The following KCNN3 variants were observed in gnomAD, a reference collection of about 807,000 sequenced individuals.
KCNN3 encodes small conductance calcium-activated potassium channel protein 3.
A neutral mutation model predicts 62.9 loss-of-function variants in KCNN3; 16 were observed. The ratio of observed to expected loss-of-function variants is 0.25; its 90% CI spans 0.17 to 0.39. KCNN3 has a LOEUF of 0.39. Among genes scored for constraint, KCNN3 ranks in the 10% least tolerant of loss-of-function variants. KCNN3 has a pLI of 1.00. For missense variants in KCNN3, 599 were observed against 949.4 expected (o/e 0.63, Z 4.85); for synonymous variants, 370 against 389.2 (o/e 0.95, Z 0.58).
rs551936973 is a variant in KCNN3, at chr1:154,744,542, G to A, written c.1449-11398C>T. Among the ~76,000 whole-genome samples the A allele has an allele frequency of 1.1e-4, 16 of 152,322 alleles. No individual in the cohort carries two copies. The South Asian group carries it at 2.7e-3, about 26-fold the overall frequency. The stretch of plus-strand genomic sequence containing the variant: ...CAGCCACTGCCAGTAGGTGATGGCC[G>A]GGAGGCTCTGTATGTGACTGGCATT... On this transcript the variant is annotated intron_variant, in intron 3 of 7. Coordinates refer to ENST00000271915, the MANE Select transcript of KCNN3 (RefSeq NM_002249.6).
intron 1 of KCNN3, among the ~76,000 whole-genome samples, chr1:154,860,092 GC>G (rs1414083785): frequency 2.0e-5 from 3 of 152,274 alleles, no homozygotes; most frequent in African/African-American, 7.2e-5. Context: ...CTTGCTGCCT[GC>G]CCCCTGGCAC....
intron 3 of KCNN3, among the ~76,000 whole-genome samples, chr1:154,741,425 C>T (rs1282863681): frequency 6.6e-6 from 1 of 152,226 alleles, no homozygotes; most frequent in Non-Finnish European, 1.5e-5. Flanking sequence ...GGCCTGCATG[C>T]TGCTTTTCCT....
intron 2 of KCNN3, among the ~76,000 whole-genome samples, chr1:154,808,867 A>C (rs534441277): frequency 1.7e-4 from 26 of 152,190 alleles, no homozygotes; most frequent in Non-Finnish European, 3.4e-4. Flanking sequence ...CCCCAGATGC[A>C]CAAGTGAGGG....
chr1:154,774,249 T>C (rs996365393), intron 2 of KCNN3, among the ~76,000 whole-genome samples: 3 of 152,240 alleles, frequency 2.0e-5, no homozygotes, highest in African/African-American at 7.2e-5. Flanking sequence ...CAGTGATGTC[T>C]AAACTTCCTT....
At chr1:154,821,532 G>T (rs979390090) in intron 2 of KCNN3, among the ~76,000 whole-genome samples, 4 of 152,162 alleles carry the variant, frequency 2.6e-5, no homozygotes, top group Non-Finnish European at 4.4e-5. Flanking sequence ...TCACTCCTGG[G>T]CAGCAAGAAA....
intron 7 of KCNN3, among the ~76,000 whole-genome samples, chr1:154,709,489 A>G (rs924872004): frequency 6.6e-6 from 1 of 152,220 alleles, no homozygotes; most frequent in African/African-American, 2.4e-5. Context: ...CCAAAGCAGC[A>G]GCAAGTAAGG....
chr1:154,720,208 G>T (rs1208342253), intron 5 of KCNN3, among the ~76,000 whole-genome samples: 1 of 152,192 alleles, frequency 6.6e-6, no homozygotes, highest in Non-Finnish European at 1.5e-5. Flanking sequence ...CCCTTTCTGG[G>T]CCTTCGTCTT....
At chr1:154,845,869 G>C (rs1652034880) in intron 1 of KCNN3, among the ~76,000 whole-genome samples, 2 of 152,190 alleles carry the variant, frequency 1.3e-5, no homozygotes, top group South Asian at 4.1e-4. Flanking sequence ...TGCTCATTTT[G>C]ATCCTCACGC....
chr1:154,850,029 C>G (rs905611938), intron 1 of KCNN3, among the ~76,000 whole-genome samples: 3 of 152,188 alleles, frequency 2.0e-5, no homozygotes, highest in African/African-American at 7.2e-5. Flanking sequence ...ACTGTTCTCC[C>G]TCACTCCCAT....
intron 3 of KCNN3, among the ~76,000 whole-genome samples, chr1:154,764,424 C>T (rs1648165432): frequency 6.6e-6 from 1 of 152,132 alleles, no homozygotes; most frequent in South Asian, 2.1e-4. Flanking sequence ...TCAACATCCT[C>T]ATATACAGAA....
chr1:154,756,582 G>T (rs1647721741), intron 3 of KCNN3, among the ~76,000 whole-genome samples: 1 of 151,970 alleles, frequency 6.6e-6, no homozygotes, highest in Non-Finnish European at 1.5e-5. Context: ...TTCTCAGAAG[G>T]CTCACCCTCT....
chr1:154,793,392 G>A (rs1003506820), intron 2 of KCNN3, among the ~76,000 whole-genome samples: 1 of 152,142 alleles, frequency 6.6e-6, no homozygotes, highest in African/African-American at 2.4e-5. Context: ...GTATCTTAAA[G>A]CAAATGGGGT....
At chr1:154,813,538 C>T (rs1650525345) in intron 2 of KCNN3, among the ~76,000 whole-genome samples, 1 of 152,162 alleles carries the variant, frequency 6.6e-6, no homozygotes, top group Non-Finnish European at 1.5e-5. Flanking sequence ...TGTCCTCCTG[C>T]CAGGGTTCAA....
At chr1:154,779,432 C>G (rs1648928757) in intron 2 of KCNN3, among the ~76,000 whole-genome samples, 1 of 152,180 alleles carries the variant, frequency 6.6e-6, no homozygotes, top group South Asian at 2.1e-4. Flanking sequence ...TCTCAAGTAA[C>G]TGGGTGACTG....
intron 1 of KCNN3, among the ~76,000 whole-genome samples, chr1:154,838,695 G>A (rs1051597506): frequency 3.3e-5 from 5 of 152,094 alleles, no homozygotes; most frequent in African/African-American, 4.8e-5. Flanking sequence ...CCGCCTCTGC[G>A]CTTCCTCCAC....
At chr1:154,738,301 T>C (rs1459157121) in intron 3 of KCNN3, among the ~76,000 whole-genome samples, 1 of 152,164 alleles carries the variant, frequency 6.6e-6, no homozygotes, top group Non-Finnish European at 1.5e-5. Flanking sequence ...ACAGCAACAC[T>C]GGAAGCTAGA....
rs557553959 is a variant in KCNN3 at position 154,733,048 on chromosome 1, G to T, written c.1545C>A (p.Pro515=). The T allele has an allele frequency of 4.9e-5, 79 of 1,614,114 alleles. No individual in the cohort carries two copies. The Admixed American group carries it at 8.5e-4, about 17-fold the overall frequency. ...FLSIGYGDMV[P]HTYCGKGVCL... ...AGACACCTTTCCCACAGTATGTGTGGGGCACCATGTCCCCATAACCAATGG... is the reference window on the plus strand; with the variant it reads ...AGACACCTTTCCCACAGTATGTGTGTGGCACCATGTCCCCATAACCAATGG... The change falls in exon 4 of 8, where the codon CCC becomes CCA. Residue 515 remains proline (P), a synonymous_variant. Transcript: ENST00000271915.
In KCNN3 at chr1:154,807,307, C is replaced by A. The variant is rs138401275; in HGVS notation, c.1029+14782G>T. ...GCTGTGGACAACTCGAGCCCGTAAC[C>A]CAACAGCAGCTGGGGCAAGTCATTC... On this transcript the variant is annotated intron_variant, in intron 2 of 7. Transcript: ENST00000271915. Among the ~76,000 whole-genome samples, 38 of 152,306 alleles carry A rather than the reference C, an allele frequency of 2.5e-4. 1 individual carries two copies. The highest frequency in any genetic ancestry group is 8.7e-4 in the African/African-American group (36 of 41,560).
At chr1:154,725,351 C>A (rs1174925965) in intron 5 of KCNN3, among the ~76,000 whole-genome samples, 1 of 152,084 alleles carries the variant, frequency 6.6e-6, no homozygotes, top group African/African-American at 2.4e-5. Context: ...GCAGGTTATA[C>A]CATTGTAGGC....
Sources: gnomAD v4.1 joint callset for allele counts (sites outside exome capture counted in the v4.1 genomes callset) on GRCh38, gnomAD v4.1.1 for gene constraint, MANE v1.5 for transcripts, NCBI Gene and HGNC (gene_info 2026-07-23, HGNC 2026-07-21) for gene names.